ZFP64: variants seen among roughly 807,000 people sequenced by gnomAD.
ZFP64 encodes the protein ZFP64 zinc finger protein.
A neutral mutation model predicts 51.6 loss-of-function variants in ZFP64; 14 were observed. That is an observed-to-expected ratio of 0.27 (90% CI 0.18 to 0.42). The LOEUF is 0.42. Ranked by LOEUF, ZFP64 falls within the 10% of genes least tolerant of loss-of-function variation. The probability of loss-of-function intolerance (pLI) is 1.00; values close to 1 mark genes in which losing one functional copy is unlikely to be tolerated. For missense variants in ZFP64, 754 were observed against 906.8 expected, an observed-to-expected ratio of 0.83 and a Z score of 2.16; for synonymous variants, 375 against 361.4, an observed-to-expected ratio of 1.04 and a Z score of -0.43.
At chr20:52,163,587 G>T (rs1982004070) in intron 4 of ZFP64, among the ~76,000 whole-genome samples, 2 of 152,162 alleles carry the variant, frequency 1.3e-5, no homozygotes, top group Admixed American at 1.3e-4. Flanking sequence ...ATATGATGGT[G>T]ACCCCAGTGC....
chr20:52,106,443 G>C (rs948616400), intron 5 of ZFP64, among the ~76,000 whole-genome samples: 25 of 152,166 alleles, frequency 1.6e-4, no homozygotes, highest in African/African-American at 5.6e-4. Flanking sequence ...CGAGTTTTTG[G>C]GGCGGGGCCT....
At chr20:52,148,340 ATTTCAG>A (rs1980623294), downstream of ZFP64, among the ~76,000 whole-genome samples, 1 of 152,202 alleles carries the variant, frequency 6.6e-6, no homozygotes, top group South Asian at 2.1e-4. Context: ...TTAAATTAGG[ATTTCAG>A]TTTTCAGGAA....
intron 5 of ZFP64, among the ~76,000 whole-genome samples, chr20:52,111,633 A>G (rs6021708): frequency 0.21 from 31,436 of 152,004 alleles, 3,636 homozygotes; most frequent in Admixed American, 0.27. Context: ...AATTCTCGCA[A>G]CTCTTAAGTA....
intron 5 of ZFP64, among the ~76,000 whole-genome samples, chr20:52,099,107 A>G (rs1371745706): frequency 6.6e-6 from 1 of 152,102 alleles, no homozygotes; most frequent in African/African-American, 2.4e-5. Flanking sequence ...ACACTGTCAC[A>G]TAACAGGGAA....
Position 52,097,576 on chromosome 20 carries a change from T to C in ZFP64, c.914-141A>G, listed in dbSNP as rs139479941. 870 of 722,670 alleles carry C rather than the reference T, an allele frequency of 1.2e-3. 10 individuals are homozygous for C. The highest frequency in any genetic ancestry group is 0.011 in the African/African-American group (621 of 55,406). 44.8% of individuals were successfully genotyped at this position (722,670 alleles called of 1,614,324 possible). A position where few individuals can be genotyped will look rare whatever the true frequency, so the allele number is the denominator to read the frequency against. Reference sequence around the variant, plus strand: ...TTCAAGAGATTACCCTGTTTCAGCCTCCTGAGTAGCTGGGATTACAGGCGC... The same window carrying C: ...TTCAAGAGATTACCCTGTTTCAGCCCCCTGAGTAGCTGGGATTACAGGCGC... On this transcript the variant is annotated intron_variant, in intron 6 of 8. Coordinates refer to the ZFP64 transcript ENST00000361387.
chr20:52,094,225 T>C lies in ZFP64; in HGVS notation c.976+3148A>G, dbSNP rs571926135. ...CTATCTCAGCCTAATCCATCCTCCT[T>C]CTATGCTCCTAAGGATTGGAGCAGA... On this transcript the variant is annotated intron_variant, in intron 7 of 8. Transcript: ENST00000361387. 2.2e-4 allele frequency among the ~76,000 whole-genome samples: 33 copies of C among 152,328 alleles called. No individual in the cohort carries two copies. The South Asian group carries it at 6.6e-3, about 31-fold the overall frequency.
At chr20:52,090,650 T>C (rs2078914374) in intron 7 of ZFP64, among the ~76,000 whole-genome samples, 1 of 151,636 alleles carries the variant, frequency 6.6e-6, no homozygotes, top group Admixed American at 6.6e-5. Flanking sequence ...AATACAAAAA[T>C]TAGCTGGGCT....
chr20:52,172,062 T>C (rs1868399528), intron 2 of ZFP64, among the ~76,000 whole-genome samples: 1 of 152,190 alleles, frequency 6.6e-6, no homozygotes, highest in Admixed American at 6.5e-5. Context: ...GGTGTTTGTA[T>C]GCAATTTGAT....
At chr20:52,146,610 A>C, downstream of ZFP64, among the ~76,000 whole-genome samples, 1 of 151,640 alleles carries the variant, frequency 6.6e-6, no homozygotes, top group Non-Finnish European at 1.5e-5. Flanking sequence ...GGATAGCATT[A>C]GGAGATATAC....
At chr20:52,186,558 T>C (rs7268905) in intron 2 of ZFP64, among the ~76,000 whole-genome samples, 62 of 152,196 alleles carry the variant, frequency 4.1e-4, no homozygotes, top group African/African-American at 1.2e-3. Flanking sequence ...CTTTTTTTTT[T>C]CCTATAGTAT....
chr20:52,124,649 A>G (rs1979360970), intron 5 of ZFP64, among the ~76,000 whole-genome samples: 1 of 151,676 alleles, frequency 6.6e-6, no homozygotes, highest in African/African-American at 2.4e-5. Flanking sequence ...TTGCTCCATC[A>G]CCCAGCCTGG....
chr20:52,160,029 G>C lies in ZFP64; in HGVS notation c.763+94C>G, dbSNP rs780955949. On this transcript the variant is annotated intron_variant, in intron 5 of 5. Transcript: ENST00000216923. This position sits in a 1 kb window ranked among gnomAD's most constrained non-coding sequence, Gnocchi z 4.2. ...ACGGGATGAGCAAAGGTTCCAACTCGATTTCTTACATTGTGGCTGAATGCT... is the reference window on the plus strand; with the variant it reads ...ACGGGATGAGCAAAGGTTCCAACTCCATTTCTTACATTGTGGCTGAATGCT... 7.0e-6 allele frequency: 11 copies of C among 1,568,564 alleles called. No individual in the cohort carries two copies. Among genetic ancestry groups the C allele is most frequent in the Non-Finnish European group, 9.5e-6 (11 of 1,158,040 alleles).
intron 5 of ZFP64, among the ~76,000 whole-genome samples, chr20:52,142,686 A>AC: frequency 9.7e-6 from 1 of 103,178 alleles, no homozygotes; most frequent in Non-Finnish European, 2.3e-5. Context: ...CTAAAAATAT[A>AC]AAAATTAGCT....
intron 2 of ZFP64, among the ~76,000 whole-genome samples, chr20:52,182,846 G>A (rs1436984372): frequency 3.3e-5 from 5 of 152,196 alleles, no homozygotes; most frequent in Non-Finnish European, 7.3e-5. Context: ...GAAATAATAA[G>A]TGCCTTGGTG....
In ZFP64 at chr20:52,160,506, G is replaced by C. The variant is rs1389146059; in HGVS notation, c.512-132C>G. The stretch of plus-strand genomic sequence containing the variant: ...TATTCCAAAAACCCTAAAACACTGG[G>C]TGGATGATTGGCAAAGAGCTAACAT... On this transcript the variant is annotated intron_variant, in intron 4 of 5. Transcript: ENST00000216923. The surrounding 1 kb of genome is among the most constrained non-coding windows in gnomAD (Gnocchi z 4.2). 4.9e-6 allele frequency: 6 copies of C among 1,230,858 alleles called. No homozygotes were observed. Among genetic ancestry groups the C allele is most frequent in the Non-Finnish European group, 6.6e-6 (6 of 912,954 alleles). The allele number at this position is 1,230,858 out of a possible 1,614,324, so 76.2% of individuals were successfully genotyped here.
chr20:52,086,699 C>T (rs1027213095), intron 8 of ZFP64, among the ~76,000 whole-genome samples: 4 of 152,018 alleles, frequency 2.6e-5, no homozygotes, highest in African/African-American at 7.2e-5. Context: ...AGGATGGTTT[C>T]GATCTCCTGA....
chr20:52,098,472 G>A, exon 6 of ZFP64: 2 of 1,614,116 alleles, frequency 1.2e-6, no homozygotes, highest in Middle Eastern at 1.6e-4. Context: ...TCTCTCCAAG[G>A]GTGGCCATTT....
intron 2 of ZFP64, among the ~76,000 whole-genome samples, chr20:52,174,245 G>C (rs932520814): frequency 6.6e-6 from 1 of 150,844 alleles, no homozygotes; most frequent in Non-Finnish European, 1.5e-5. Context: ...CAACACTTTT[G>C]GTGGCTGAGG....
chr20:52,127,478 C>T (rs770853001), intron 5 of ZFP64, among the ~76,000 whole-genome samples: 20 of 152,132 alleles, frequency 1.3e-4, no homozygotes, highest in Admixed American at 2.0e-4. Flanking sequence ...CAAGAGCTGA[C>T]GGTTTTATCA....
Sources: gnomAD v4.1 joint callset for allele counts (sites outside exome capture counted in the v4.1 genomes callset) on GRCh38, gnomAD v4.1.1 for gene constraint, Gnocchi (gnomAD v3.1) non-coding constraint, MANE v1.5 for transcripts, NCBI Gene and HGNC (gene_info 2026-07-23, HGNC 2026-07-21) for gene names.